The following PIEZO1 variants were observed in gnomAD, a reference collection of about 807,000 sequenced individuals.
The protein encoded by PIEZO1 is piezo-type mechanosensitive ion channel component 1.
In PIEZO1, 296 loss-of-function variants were observed where a neutral mutation model predicts 297.2. That is an observed-to-expected ratio of 1.00 (90% confidence interval 0.91 to 1.10). The LOEUF is 1.10. Ranked by LOEUF, PIEZO1 falls within the 50% of genes least tolerant of loss-of-function variation. The pLI, the probability that PIEZO1 is intolerant of heterozygous loss-of-function variation, is 0.00. For synonymous variants in PIEZO1, 2,427 were observed against 1,507.5 expected, an observed-to-expected ratio of 1.61 and a Z score of -14.13; for missense variants, 5,018 against 3,455.5, an observed-to-expected ratio of 1.45 and a Z score of -11.34.
At chr16:88,757,635 G>A (rs1906740250) in intron 1 of PIEZO1, among the ~76,000 whole-genome samples, 1 of 152,136 alleles carries the variant, frequency 6.6e-6, no homozygotes, top group Non-Finnish European at 1.5e-5. Flanking sequence ...TTCGTCACCT[G>A]GGAAGCAGGA....
intron 30 of PIEZO1, 82 bp downstream of exon 30, chr16:88,724,927 G>T: frequency 1.1e-6 from 1 of 881,864 alleles, no homozygotes; most frequent in Non-Finnish European, 1.6e-6. Context: ...GGAAGGGAGG[G>T]GAAGATAGCA....
In PIEZO1 at chr16:88,735,217, C is replaced by T. The variant is rs1427877546; in HGVS notation, c.1587G>A (p.Leu529=). The change falls in exon 13 of 51, where the codon CTG becomes CTA. Residue 529 remains leucine, a synonymous_variant. Transcript: ENST00000301015. ...GCTTCTCTTTCACAAACTGGCGCAGCAGGAGCCAGAAGGTCAGGGTGTAGA... is the reference window on the plus strand; with the variant it reads ...GCTTCTCTTTCACAAACTGGCGCAGTAGGAGCCAGAAGGTCAGGGTGTAGA... ...MLLYTLTFWL[L]LRQFVKEKLL... 1.9e-6 allele frequency: 3 copies of T among 1,550,406 alleles called. No individual in the cohort carries two copies. Among genetic ancestry groups the T allele is most frequent in the South Asian group, 1.2e-5 (1 of 84,066 alleles).
chr16:88,722,566 G>T lies in PIEZO1; in HGVS notation c.4775+17C>A. On this transcript the variant is annotated intron_variant, in intron 35 of 50. Coordinates refer to ENST00000301015, the MANE Select transcript of PIEZO1 (RefSeq NM_001142864.4). ...ACCAGGGGCAGCAGCTGGGGCTCGG[G>T]TCACCCCCGCACCTACCTGGACACG... The T allele has an allele frequency of 6.7e-7, 1 of 1,493,128 alleles. No homozygotes were observed. The highest frequency in any genetic ancestry group is 9.0e-7 in the Non-Finnish European group (1 of 1,116,588). The allele number at this position is 1,493,128 out of a possible 1,614,324, so 92.5% of individuals were successfully genotyped here. A position where few individuals can be genotyped will look rare whatever the true frequency, so the allele number is the denominator to read the frequency against.
chr16:88,725,094 G>T lies in PIEZO1; in HGVS notation c.4163-14C>A. The T allele has an allele frequency of 6.6e-7, 1 of 1,503,984 alleles. No homozygotes were observed. 93.2% of individuals were successfully genotyped at this position (1,503,984 alleles called of 1,614,324 possible). A position where few individuals can be genotyped will look rare whatever the true frequency, so the allele number is the denominator to read the frequency against. On this transcript the variant is annotated splice_polypyrimidine_tract_variant and intron_variant, in intron 29 of 50. Coordinates refer to ENST00000301015, the MANE Select transcript of PIEZO1 (RefSeq NM_001142864.4). ...GACTGTCGGGCCCTGTGGAGGGGCA[G>T]GGTGAGCATGAGGCAGCAGTCAAGC...
intron 5 of PIEZO1, 137 bp from the exon 6 acceptor site, chr16:88,738,873 C>G: frequency 2.7e-6 from 2 of 742,600 alleles, no homozygotes; most frequent in Non-Finnish European, 4.3e-6. Context: ...GACAGCCTCC[C>G]CGGGCACAGG....
chr16:88,723,899 G>C lies in PIEZO1; in HGVS notation c.4307C>G (p.Pro1436Arg), dbSNP rs777087202. The C allele has an allele frequency of 5.8e-6, 9 of 1,548,032 alleles. No individual in the cohort carries two copies. The highest frequency in any genetic ancestry group is 3.6e-5 in the South Asian group (3 of 84,006). The change falls in exon 31 of 51, where the codon CCG becomes CGG. Residue 1436 changes from proline to arginine, a missense_variant. Physicochemically the swap from Pro to Arg is moderately radical, Grantham distance 103 (BLOSUM62 -2). Coordinates refer to ENST00000301015, the MANE Select transcript of PIEZO1 (RefSeq NM_001142864.4). ...GAAGGCACTCTGTGCCGACGGCCTC[G>C]GGTCTTCAGGAACAGCCTCCTCCTC... ...EEEEEAVPED[P>R]RPSAQSAFQL... is the part of the protein sequence containing the mutation.
intron 1 of PIEZO1, among the ~76,000 whole-genome samples, chr16:88,776,033 C>A (rs1354455124): frequency 6.6e-6 from 1 of 152,234 alleles, no homozygotes; most frequent in East Asian, 1.9e-4. Flanking sequence ...CAGTCGGGGC[C>A]TCAGAGCCAG....
intron 1 of PIEZO1, among the ~76,000 whole-genome samples, chr16:88,761,218 A>C (rs1165792470): frequency 6.6e-6 from 1 of 152,244 alleles, no homozygotes; most frequent in African/African-American, 2.4e-5. Context: ...AGGGTCCTGC[A>C]GGCATCAGCC....
In PIEZO1 at chr16:88,723,084, G is replaced by GGCCCA; in HGVS notation, c.4495+6_4495+10dup. On this transcript the variant is annotated intron_variant, in intron 33 of 50. Coordinates refer to ENST00000301015, the MANE Select transcript of PIEZO1 (RefSeq NM_001142864.4). ...AGAGACCTCCCACTCCCCAGCCCCG[G>GGCCCA]GCCCACGTACCTGCCGCTGCCTCCT... 1.3e-6 allele frequency: 2 copies of GGCCCA among 1,547,142 alleles called. No homozygotes were observed. The highest frequency in any genetic ancestry group is 1.7e-6 in the Non-Finnish European group (2 of 1,146,488).
rs778481644 is a variant in PIEZO1, at chr16:88,732,497, G to A, written c.2829C>T (p.Ala943=). 5 of 1,548,332 alleles carry A rather than the reference G, an allele frequency of 3.2e-6. No individual in the cohort carries two copies. The African/African-American group carries it at 5.5e-5, about 17-fold the overall frequency. The change falls in exon 21 of 51, where the codon GCC becomes GCT. Residue 943 remains alanine, a synonymous_variant. Transcript: ENST00000301015. ...LQVLLLLVFE[A]IVYRRQEHYR... Reference sequence around the variant, plus strand: ...AGTGCTCCTGGCGCCGGTACACGATGGCCTCGAATACCAGCAGCAGCAGCA... The same window carrying A: ...AGTGCTCCTGGCGCCGGTACACGATAGCCTCGAATACCAGCAGCAGCAGCA...
rs541313227 is a variant in PIEZO1, at chr16:88,719,522, G to A, written c.6471+52C>T. The A allele has an allele frequency of 6.5e-4, 976 of 1,493,922 alleles. 1 individual carries two copies. The highest frequency in any genetic ancestry group is 6.7e-4 in the Non-Finnish European group (740 of 1,097,346). 92.5% of individuals were successfully genotyped at this position (1,493,922 alleles called of 1,614,324 possible). On this transcript the variant is annotated intron_variant, in intron 44 of 50. Coordinates refer to ENST00000301015, the MANE Select transcript of PIEZO1 (RefSeq NM_001142864.4). ...GTGGCAGCAGTGCCTCTGTCTTAGG[G>A]AGAGGGCATATCCCTGGCCCTTGTC...
intron 2 of PIEZO1, among the ~76,000 whole-genome samples, chr16:88,746,393 G>A (rs1906058040): frequency 6.6e-6 from 1 of 152,160 alleles, no homozygotes; most frequent in Non-Finnish European, 1.5e-5. Flanking sequence ...GCAGGTCTCT[G>A]GGAGCCACCC....
At position 88,722,620 on chromosome 16, in the gene PIEZO1, G is replaced by C. The variant is rs930269458; in HGVS notation, c.4738C>G (p.Pro1580Ala). Residue 1580 changes from proline (P) to alanine (A), a missense_variant, in exon 35 of 51, where the codon CCC (proline) becomes GCC (alanine). Physicochemically the swap from Pro to Ala is conservative, Grantham distance 27. Transcript: ENST00000301015. The part of the protein sequence containing the change: ...TSQAEATLPG[P>A]TEAPNAPSTV... ...CTTGGGGCATTGGGGGCCTCGGTGG[G>C]GCCTGGCAGCGTGGCCTCGGCCTGG... 2.0e-6 allele frequency: 3 copies of C among 1,538,422 alleles called. No homozygotes were observed. In the Admixed American group the frequency reaches 5.9e-5, roughly 30 times the overall value.
Position 88,722,215 on chromosome 16 carries a change from C to CA in PIEZO1, c.4955+2dup. 1 of 1,545,538 alleles carries CA rather than the reference C, an allele frequency of 6.5e-7. No homozygotes were observed. The highest frequency in any genetic ancestry group is 1.2e-5 in the South Asian group (1 of 83,912). ...GCTGGTGTTGTGCGCGTCCCGCCCCCACCTGTCCAGGAGCAGCTCGCTGGC... is the reference window on the plus strand; with the variant it reads ...GCTGGTGTTGTGCGCGTCCCGCCCCCAACCTGTCCAGGAGCAGCTCGCTGGC... On this transcript the variant is annotated splice_region_variant and intron_variant, in intron 36 of 50. Coordinates refer to ENST00000301015, the MANE Select transcript of PIEZO1 (RefSeq NM_001142864.4).
Position 88,723,759 on chromosome 16 carries a change from G to A in PIEZO1, c.4335+112C>T. On this transcript the variant is annotated intron_variant, in intron 31 of 50. Transcript: ENST00000301015. The stretch of plus-strand genomic sequence containing the variant: ...GGGGCGGGGTGGGCTAACTGGAGGT[G>A]GAGGAGCTCGGCTCCCAGGCCCTGG... 4 of 643,838 alleles carry A rather than the reference G, an allele frequency of 6.2e-6. No individual in the cohort carries two copies. The South Asian group carries it at 7.2e-5, about 12-fold the overall frequency. The allele number at this position is 643,838 out of a possible 1,614,324, so 39.9% of individuals were successfully genotyped here.
In PIEZO1 at chr16:88,723,919, C is replaced by T. The variant is rs570038789; in HGVS notation, c.4287G>A (p.Glu1429=). The T allele has an allele frequency of 5.2e-5, 81 of 1,549,896 alleles. No homozygotes were observed. In the African/African-American group the frequency reaches 9.7e-4, roughly 19 times the overall value. The change falls in exon 31 of 51, where the codon GAG becomes GAA. Residue 1429 remains glutamate (E), a synonymous_variant. Transcript: ENST00000301015. The part of the protein sequence containing the change: ...FLFESDSEEE[E]EAVPEDPRPS... The stretch of plus-strand genomic sequence containing the variant: ...GCCTCGGGTCTTCAGGAACAGCCTC[C>T]TCCTCTTCCTCACTGTCGGACTCAA...
chr16:88,746,795 C>A (rs1182178247), intron 2 of PIEZO1, among the ~76,000 whole-genome samples: 1 of 152,252 alleles, frequency 6.6e-6, no homozygotes. Flanking sequence ...TGCCTTCCCC[C>A]ACTGCTGATT....
intron 29 of PIEZO1, 146 bp downstream of exon 29, chr16:88,725,270 C>A (rs1904340368): frequency 4.4e-6 from 3 of 687,234 alleles, no homozygotes; most frequent in South Asian, 2.1e-5. Flanking sequence ...GGCCATGGGG[C>A]CTGCCAGACA....
At chr16:88,778,935 GT>G (rs1907800686) in intron 1 of PIEZO1, among the ~76,000 whole-genome samples, 1 of 152,202 alleles carries the variant, frequency 6.6e-6, no homozygotes, top group South Asian at 2.1e-4. Context: ...GCGGGGGCAG[GT>G]GGGGTGCATG....
Sources: gnomAD v4.1 joint callset for allele counts (sites outside exome capture counted in the v4.1 genomes callset) on GRCh38, gnomAD v4.1.1 for gene constraint, MANE v1.5 for transcripts, NCBI Gene and HGNC (gene_info 2026-07-23, HGNC 2026-07-21) for gene names.